Variants in IL1RAPL2 observed in about 807,000 individuals in gnomAD.
IL1RAPL2 encodes the protein interleukin 1 receptor accessory protein like 2.
A neutral mutation model predicts 44.1 loss-of-function variants in IL1RAPL2; 3 were observed. The ratio of observed to expected loss-of-function variants is 0.07; its 90% CI spans 0.03 to 0.18. The LOEUF is 0.18. IL1RAPL2 is among the 10% of genes least tolerant of loss of function. IL1RAPL2 has a pLI of 1.00. For missense variants in IL1RAPL2, 391 were observed against 496.4 expected, an observed-to-expected ratio of 0.79 and a Z score of 2.02; for synonymous variants, 181 against 178.8, an observed-to-expected ratio of 1.01 and a Z score of -0.10.
chrX:104,775,721 C>G (rs1007098358), intron 2 of IL1RAPL2, among the ~76,000 whole-genome samples: 1 of 111,345 alleles, frequency 9.0e-6, no homozygotes, highest in Admixed American at 9.5e-5. Flanking sequence ...GCACTGCATT[C>G]GAAGAAGCAC....
At chrX:105,070,437 T>C (rs182329011) in intron 2 of IL1RAPL2, among the ~76,000 whole-genome samples, 133 of 111,911 alleles carry the variant, frequency 1.2e-3, no homozygotes, top group African/African-American at 4.1e-3. Flanking sequence ...TCACCTTTTA[T>C]AATACCAGCA....
chrX:105,550,099 T>G (rs950067280), intron 6 of IL1RAPL2, among the ~76,000 whole-genome samples: 1 of 111,999 alleles, frequency 8.9e-6, no homozygotes. Context: ...TCACTGCACC[T>G]TCTTTCCAGG....
At chrX:105,250,776 A>G (rs188719659) in intron 4 of IL1RAPL2, among the ~76,000 whole-genome samples, 36 of 111,079 alleles carry the variant, frequency 3.2e-4, no homozygotes, top group African/African-American at 1.1e-3. Context: ...TGCCAAGAAA[A>G]TATTGGAAAA....
chrX:105,231,128 A>T (rs2034066283), intron 3 of IL1RAPL2, among the ~76,000 whole-genome samples: 1 of 112,442 alleles, frequency 8.9e-6, no homozygotes, highest in South Asian at 3.7e-4. Flanking sequence ...AGTCAGTAAC[A>T]TCAAGAACTG....
intron 2 of IL1RAPL2, among the ~76,000 whole-genome samples, chrX:105,085,251 A>G (rs2032465176): frequency 8.9e-6 from 1 of 112,513 alleles, no homozygotes; most frequent in Non-Finnish European, 1.9e-5. Context: ...CTATATTGAA[A>G]GAAAATATTT....
intron 5 of IL1RAPL2, among the ~76,000 whole-genome samples, chrX:105,307,775 T>C (rs1311482907): frequency 1.0e-5 from 1 of 99,226 alleles, no homozygotes; most frequent in Non-Finnish European, 2.0e-5. Context: ...TACAATCCTT[T>C]ATAATGCTTT....
chrX:105,627,302 C>T (rs1023958405), intron 6 of IL1RAPL2, among the ~76,000 whole-genome samples: 1 of 111,030 alleles, frequency 9.0e-6, no homozygotes, highest in African/African-American at 3.3e-5. Flanking sequence ...TCAGAAAAAG[C>T]GTTATCCATT....
intron 5 of IL1RAPL2, among the ~76,000 whole-genome samples, chrX:105,318,633 A>G (rs1354082797): frequency 3.6e-5 from 4 of 111,219 alleles, no homozygotes; most frequent in African/African-American, 1.3e-4. Context: ...TTGGTACAAT[A>G]CTAGAGTCAT....
At chrX:105,726,145 C>T (rs2038349420) in intron 7 of IL1RAPL2, among the ~76,000 whole-genome samples, 2 of 111,665 alleles carry the variant, frequency 1.8e-5, no homozygotes, top group South Asian at 7.3e-4. Context: ...AGACAAAAAC[C>T]TATAATTAGT....
At chrX:105,399,662 A>T (rs1172740382) in intron 5 of IL1RAPL2, among the ~76,000 whole-genome samples, 2 of 111,484 alleles carry the variant, frequency 1.8e-5, no homozygotes, top group Non-Finnish European at 3.8e-5. Flanking sequence ...TTGCCAGTCT[A>T]CTTTTAAGGC....
At position 105,514,789 on chromosome X, in the gene IL1RAPL2, C is replaced by T. The variant is rs755600303; in HGVS notation, c.772+30402C>T. Among the ~76,000 whole-genome samples, 11 of 111,740 alleles carry T rather than the reference C, an allele frequency of 9.8e-5. No individual in the cohort carries two copies. In the East Asian group the frequency reaches 3.1e-3, roughly 32 times the overall value. On this transcript the variant is annotated intron_variant, in intron 6 of 10. Transcript: ENST00000372582. ...TTTACAGTTCTACTTAACCAACTTT[C>T]TAAGGACCAGCAGCATCAGTAAGCC...
In IL1RAPL2 at chrX:104,566,820, G is replaced by A. The variant is rs1185837938; in HGVS notation, c.-251G>A. ...TCTAGAAATCTTCCCTGGCTGGGGG[G>A]AAGTTTACTAGTATCCTCTTTGGCT... On this transcript the variant is annotated 5_prime_UTR_variant, in exon 1 of 11. Coordinates refer to ENST00000372582, the MANE Select transcript of IL1RAPL2 (RefSeq NM_017416.2). 8.8e-6 allele frequency: 1 copy of A among 113,000 alleles called. No individual in the cohort carries two copies. The highest frequency in any genetic ancestry group is 9.3e-5 in the Admixed American group (1 of 10,775). The allele number at this position is 113,000 out of a possible 1,213,427, so 9.3% of individuals were successfully genotyped here. A position where few individuals can be genotyped will look rare whatever the true frequency, so the allele number is the denominator to read the frequency against.
chrX:104,629,482 T>A (rs1929589629), intron 1 of IL1RAPL2, among the ~76,000 whole-genome samples: 1 of 112,242 alleles, frequency 8.9e-6, no homozygotes, highest in African/African-American at 3.2e-5. Context: ...TGACGGGTTG[T>A]CCTTTCACTC....
chrX:105,217,229 T>C (rs2033869491), intron 3 of IL1RAPL2, among the ~76,000 whole-genome samples: 1 of 109,770 alleles, frequency 9.1e-6, no homozygotes, highest in South Asian at 3.9e-4. Context: ...ATATCCAGAA[T>C]CTACAATGAA....
At chrX:104,806,705 A>G (rs1238985372) in intron 2 of IL1RAPL2, among the ~76,000 whole-genome samples, 1 of 112,709 alleles carries the variant, frequency 8.9e-6, no homozygotes, top group African/African-American at 3.2e-5. Context: ...TCACTGCAGT[A>G]AAAGAAGCAG....
At chrX:105,098,604 T>G (rs1252783727) in intron 2 of IL1RAPL2, among the ~76,000 whole-genome samples, 2 of 112,452 alleles carry the variant, frequency 1.8e-5, no homozygotes, top group African/African-American at 6.5e-5. Flanking sequence ...GTCTTCTTCA[T>G]GCTGTTCATA....
At chrX:104,567,789 C>T (rs1333213201) in intron 1 of IL1RAPL2, among the ~76,000 whole-genome samples, 1 of 112,358 alleles carries the variant, frequency 8.9e-6, no homozygotes, top group Non-Finnish European at 1.9e-5. Flanking sequence ...AGTGGCTCGC[C>T]TTGCCTCTCT....
At position 105,504,956 on chromosome X, in the gene IL1RAPL2, A is replaced by T. The variant is rs767517902; in HGVS notation, c.772+20569A>T. ...AAAAAATACTGAATAAATCAGTGTA[A>T]TGTTACCATGCCCCAGTAAATAGAG... On this transcript the variant is annotated intron_variant, in intron 6 of 10. Coordinates refer to ENST00000372582, the MANE Select transcript of IL1RAPL2 (RefSeq NM_017416.2). 4.5e-5 allele frequency among the ~76,000 whole-genome samples: 5 copies of T among 111,141 alleles called. No individual in the cohort carries two copies. The East Asian group carries it at 1.4e-3, about 32-fold the overall frequency.
chrX:105,397,260 C>T (rs1326456736), intron 5 of IL1RAPL2, among the ~76,000 whole-genome samples: 1 of 110,620 alleles, frequency 9.0e-6, no homozygotes, highest in Non-Finnish European at 1.9e-5. Flanking sequence ...ATGTAATACA[C>T]TTGAGTCATT....
Sources: allele counts gnomAD v4.1 joint callset (sites outside exome capture counted in the v4.1 genomes callset), GRCh38; gene constraint gnomAD v4.1.1; transcripts MANE v1.5; gene names NCBI Gene and HGNC (gene_info 2026-07-23, HGNC 2026-07-21).